Variants in DDX46 observed in about 807,000 individuals in gnomAD.
DDX46 encodes DEAD-box helicase 46.
Under a neutral mutation model 134.9 loss-of-function variants are expected in DDX46, and 30 were observed. That is an observed-to-expected ratio of 0.22 (90% CI 0.17 to 0.30). The LOEUF is 0.30. DDX46 is among the 10% of genes least tolerant of loss of function. The probability of loss-of-function intolerance (pLI) is 1.00; values close to 1 mark genes in which losing one functional copy is unlikely to be tolerated. For missense variants in DDX46, 622 were observed against 1,248.7 expected (o/e 0.50, Z 7.56); for synonymous variants, 415 against 404.1 (o/e 1.03, Z -0.32).
At chr5:134,806,431 CATATT>C (rs1435020685) in intron 15 of DDX46, among the ~76,000 whole-genome samples, 1 of 152,022 alleles carries the variant, frequency 6.6e-6, no homozygotes, top group Non-Finnish European at 1.5e-5. Context: ...CTTCAGTTAG[CATATT>C]ATATTCAATT....
In DDX46 at chr5:134,811,679, T is replaced by C. The variant is rs1260658895; in HGVS notation, c.2287-17T>C. 1.3e-6 allele frequency: 2 copies of C among 1,578,570 alleles called. No homozygotes were observed. The highest frequency in any genetic ancestry group is 1.7e-6 in the Non-Finnish European group (2 of 1,169,240). On this transcript the variant is annotated splice_polypyrimidine_tract_variant and intron_variant, in intron 17 of 22. Transcript: ENST00000452510. ...AGTTTTTACTATGAGATTAACTTCG[T>C]TTTCTTTTTTTGAAAGGAGGGGAAA...
chr5:134,782,518 GT>G (rs58196058), intron 8 of DDX46, among the ~76,000 whole-genome samples: 9 of 147,966 alleles, frequency 6.1e-5, no homozygotes, highest in Admixed American at 1.4e-4. Flanking sequence ...GTTTTGTTTT[GT>G]TTTTTTTTTG....
rs1043120147 is a variant in DDX46 at position 134,829,185 on chromosome 5, T to G, written c.*479T>G. The G allele has an allele frequency of 6.6e-6, 1 of 152,256 alleles. No homozygotes were observed. Among genetic ancestry groups the G allele is most frequent in the African/African-American group, 2.4e-5 (1 of 41,458 alleles). 9.4% of individuals were successfully genotyped at this position (152,256 alleles called of 1,614,324 possible). ...TGAACTGGATTTAAGAATGTTATAA[T>G]AGAAGTCTTACAAAATGGGTTGAGA... On this transcript the variant is annotated 3_prime_UTR_variant, in exon 23 of 23. Coordinates refer to ENST00000452510, the MANE Select transcript of DDX46 (RefSeq NM_001300860.2).
intron 1 of DDX46, among the ~76,000 whole-genome samples, chr5:134,762,949 C>T (rs1423865808): frequency 1.3e-5 from 2 of 151,916 alleles, no homozygotes; most frequent in East Asian, 3.9e-4. Flanking sequence ...GTCCTAGCTA[C>T]TCGGGAGGCT....
At position 134,770,929 on chromosome 5, in the gene DDX46, G is replaced by C; in HGVS notation, c.377G>C (p.Gly126Ala). 3 of 1,586,138 alleles carry C rather than the reference G, an allele frequency of 1.9e-6. No individual in the cohort carries two copies. The South Asian group carries it at 3.5e-5, about 19-fold the overall frequency. ...NRSRSKEKTD[G>A]GESSKEKKKD... ...TCTAGGTCCAAAGAGAAAACTGATG[G>C]TGGGGAAAGTTCTAAAGAGAAGAAA... The change falls in exon 4 of 23, where the codon GGT becomes GCT. Residue 126 changes from glycine to alanine, a missense_variant. Physicochemically the swap from Gly to Ala is moderately conservative, Grantham distance 60. Transcript: ENST00000452510.
At chr5:134,810,578 A>T (rs1252725794) in intron 16 of DDX46, among the ~76,000 whole-genome samples, 1 of 151,510 alleles carries the variant, frequency 6.6e-6, no homozygotes, top group Admixed American at 6.6e-5. Context: ...TCTGACCTCA[A>T]ATGATCCACC....
intron 22 of DDX46, 51 bp downstream of exon 22, chr5:134,827,071 T>C (rs1476999919): frequency 8.5e-6 from 13 of 1,536,522 alleles, no homozygotes; most frequent in South Asian, 8.4e-5. Context: ...AAGTGTTTTA[T>C]TGAAATATAA....
intron 2 of DDX46, among the ~76,000 whole-genome samples, chr5:134,765,327 C>T (rs1259498607): frequency 1.4e-5 from 2 of 145,732 alleles, no homozygotes; most frequent in Admixed American, 7.1e-5. Context: ...GGGTGAATCA[C>T]GAGGTCAGGA....
At chr5:134,809,907 G>A (rs1033598015) in intron 16 of DDX46, among the ~76,000 whole-genome samples, 2 of 152,070 alleles carry the variant, frequency 1.3e-5, no homozygotes, top group African/African-American at 4.8e-5. Flanking sequence ...GAGCTACTCG[G>A]GAGGCTGAGG....
intron 3 of DDX46, among the ~76,000 whole-genome samples, chr5:134,768,676 A>G (rs1157063108): frequency 1.3e-5 from 2 of 152,166 alleles, no homozygotes; most frequent in South Asian, 2.1e-4. Flanking sequence ...CATTAAAATT[A>G]AGAAATTTTA....
chr5:134,827,709 T>C (rs30279), intron 22 of DDX46, among the ~76,000 whole-genome samples: 3,473 of 151,536 alleles, frequency 0.023, 60 homozygotes, highest in African/African-American at 0.056. Context: ...TGTTATTGCA[T>C]GTAGCAATAA....
intron 5 of DDX46, among the ~76,000 whole-genome samples, chr5:134,774,536 A>G (rs944077232): frequency 3.9e-5 from 6 of 152,194 alleles, no homozygotes; most frequent in African/African-American, 1.4e-4. Flanking sequence ...TGAAATATAG[A>G]ATTGTGTTTA....
intron 16 of DDX46, among the ~76,000 whole-genome samples, chr5:134,809,746 C>T (rs1164519190): frequency 1.3e-5 from 2 of 151,906 alleles, no homozygotes; most frequent in South Asian, 2.1e-4. Context: ...CGGTGGCTCA[C>T]GCCTGTAATC....
At position 134,831,045 on chromosome 5, in the gene DDX46, T is replaced by A. The variant is rs954374722; in HGVS notation, c.*2339T>A. On this transcript the variant is annotated 3_prime_UTR_variant, in exon 23 of 23. Transcript: ENST00000452510. The stretch of plus-strand genomic sequence containing the variant: ...TTTAAAATTTGAATGATATATAGAC[T>A]TTGTTTTTTTAATGCAATATGAATA... The A allele has an allele frequency of 4.6e-5, 7 of 152,438 alleles. No individual in the cohort carries two copies. The highest frequency in any genetic ancestry group is 7.2e-5 in the African/African-American group (3 of 41,454). The allele number at this position is 152,438 out of a possible 1,614,324, so 9.4% of individuals were successfully genotyped here.
At chr5:134,783,211 A>C (rs1235494582) in intron 9 of DDX46, 146 bp downstream of exon 9, 3 of 1,149,644 alleles carry the variant, frequency 2.6e-6, no homozygotes, top group African/African-American at 3.2e-5. Flanking sequence ...ATATATCAAA[A>C]TTTACCCTTT....
chr5:134,762,229 A>G (rs1753409682), intron 1 of DDX46, among the ~76,000 whole-genome samples: 1 of 146,780 alleles, frequency 6.8e-6, no homozygotes, highest in Admixed American at 6.9e-5. Flanking sequence ...TGAGCAACAT[A>G]GTGAGACACC....
chr5:134,796,266 A>C (rs1344782034), intron 15 of DDX46, 116 bp downstream of exon 15: 6 of 1,117,760 alleles, frequency 5.4e-6, no homozygotes, highest in Non-Finnish European at 6.3e-6. Flanking sequence ...ATTTTATGTC[A>C]GTTTTTACTC....
intron 16 of DDX46, among the ~76,000 whole-genome samples, chr5:134,808,600 T>C (rs1755056561): frequency 6.6e-6 from 1 of 152,150 alleles, no homozygotes; most frequent in African/African-American, 2.4e-5. Context: ...TCAGGATCTT[T>C]TTTTAAAAAA....
intron 1 of DDX46, among the ~76,000 whole-genome samples, chr5:134,762,370 A>G (rs746360896): frequency 1.6e-4 from 25 of 152,206 alleles, no homozygotes; most frequent in Admixed American, 7.9e-4. Flanking sequence ...GTGAGTAGCA[A>G]TTGAGCTGCT....
Sources: allele counts gnomAD v4.1 joint callset (sites outside exome capture counted in the v4.1 genomes callset), GRCh38; gene constraint gnomAD v4.1.1; transcripts MANE v1.5; gene names NCBI Gene and HGNC (gene_info 2026-07-23, HGNC 2026-07-21).